Variants in GRIN1 observed in about 807,000 individuals in gnomAD.
GRIN1 encodes glutamate receptor ionotropic, NMDA 1.
In GRIN1, 38 loss-of-function variants were observed where a neutral mutation model predicts 103.0. The observed-to-expected ratio is 0.37, with a 90% CI of 0.28 to 0.48. The LOEUF (loss-of-function observed/expected upper bound fraction) is 0.48. Ranked by LOEUF, GRIN1 falls within the 20% of genes least tolerant of loss-of-function variation. The pLI is 0.98. For missense variants in GRIN1, 577 were observed against 1,288.9 expected (o/e 0.45, Z 8.46); for synonymous variants, 544 against 532.7 (o/e 1.02, Z -0.29).
chr9:137,158,255 G>T (rs1296830204), intron 6 of GRIN1, 124 bp from the exon 7 acceptor site: 3 of 1,090,304 alleles, frequency 2.8e-6, no homozygotes, highest in Non-Finnish European at 4.1e-6. Flanking sequence ...TGCTCAGCCG[G>T]CAGGAGAAGG....
chr9:137,166,952 C>G (rs970912820), intron 19 of GRIN1, among the ~76,000 whole-genome samples: 4 of 152,200 alleles, frequency 2.6e-5, no homozygotes, highest in African/African-American at 9.7e-5. Context: ...TGATGGGCCA[C>G]TTTCAGAGGG....
At chr9:137,159,206 C>T (rs1238435261) in intron 8 of GRIN1, among the ~76,000 whole-genome samples, 1 of 152,170 alleles carries the variant, frequency 6.6e-6, no homozygotes, top group Admixed American at 6.5e-5. Context: ...TCCAGAACAT[C>T]TTTCCCTTGG....
At position 137,167,372 on chromosome 9, in the gene GRIN1, C is replaced by T. The variant is rs534171550; in HGVS notation, c.2701-39C>T. ...GAGGGCTGGGGTCCCTGGCGGCCGG[C>T]GGGGCCAGCGGGTATTGATTGTTGG... On this transcript the variant is annotated intron_variant, in intron 19 of 19. Transcript: ENST00000371561. The T allele has an allele frequency of 4.2e-5, 63 of 1,491,546 alleles. No individual in the cohort carries two copies. The South Asian group carries it at 6.3e-4, about 15-fold the overall frequency. The allele number at this position is 1,491,546 out of a possible 1,614,324, so 92.4% of individuals were successfully genotyped here.
At chr9:137,152,242 C>T (rs1356347183) in intron 4 of GRIN1, among the ~76,000 whole-genome samples, 2 of 152,164 alleles carry the variant, frequency 1.3e-5, no homozygotes, top group Non-Finnish European at 2.9e-5. Flanking sequence ...GAATTGTTTA[C>T]ACTTCCCTTA....
chr9:137,158,758 C>A, intron 8 of GRIN1, 54 bp downstream of exon 8: 10 of 1,299,742 alleles, frequency 7.7e-6, no homozygotes, highest in Non-Finnish European at 1.1e-5. Flanking sequence ...GCCCATCCAC[C>A]CCCTCTGGCC....
In GRIN1 at chr9:137,163,667, C is replaced by T. The variant is rs773708731; in HGVS notation, c.2442C>T (p.Ala814=). 7 of 1,612,454 alleles carry T rather than the reference C, an allele frequency of 4.3e-6. No homozygotes were observed. Among genetic ancestry groups the T allele is most frequent in the Admixed American group, 1.7e-5 (1 of 60,002 alleles). The stretch of plus-strand genomic sequence containing the variant: ...CGACCCTTACTTTTGAGAACATGGC[C>T]GGTGCGTTCTCCTTCATCCATTCTC... ...APATLTFENM[A]GVFMLVAGGI... Residue 814 remains alanine, a splice_region_variant and synonymous_variant, in exon 17 of 20, where the codon GCC becomes GCT. Transcript: ENST00000371561.
chr9:137,168,591 C>T lies in GRIN1; in HGVS notation c.*1064C>T, dbSNP rs1051432554. 1.3e-5 allele frequency: 4 copies of T among 315,154 alleles called. No individual in the cohort carries two copies. The Admixed American group carries it at 1.5e-4, about 12-fold the overall frequency. 19.5% of individuals were successfully genotyped at this position (315,154 alleles called of 1,614,324 possible). A position where few individuals can be genotyped will look rare whatever the true frequency, so the allele number is the denominator to read the frequency against. On this transcript the variant is annotated 3_prime_UTR_variant, in exon 20 of 20. Coordinates refer to ENST00000371561, the MANE Select transcript of GRIN1 (RefSeq NM_007327.4). ...CCTCGCTCCGGGTGCGTGACCGGCC[C>T]GCCACCTTGTACAGAACCAGCACTC...
At chr9:137,144,399 A>T (rs868012410) in intron 2 of GRIN1, among the ~76,000 whole-genome samples, 3 of 150,232 alleles carry the variant, frequency 2.0e-5, no homozygotes, top group Admixed American at 1.3e-4. Context: ...TCACGCCTGT[A>T]ATCCCAGCAC....
chr9:137,151,356 C>T (rs1832900214), intron 4 of GRIN1, among the ~76,000 whole-genome samples: 2 of 150,340 alleles, frequency 1.3e-5, no homozygotes, highest in Admixed American at 6.6e-5. Context: ...AAAGCCCCGC[C>T]CAGAAAAAAA....
intron 8 of GRIN1, 97 bp from the exon 9 acceptor site, chr9:137,160,959 A>T: frequency 6.7e-7 from 1 of 1,492,154 alleles, no homozygotes; most frequent in Non-Finnish European, 9.2e-7. Context: ...GTCGGGGATT[A>T]AGAGGGGCGC....
In GRIN1 at chr9:137,163,908, G is replaced by C. The variant is rs1833705561; in HGVS notation, c.2589+4G>C. 6.2e-7 allele frequency: 1 copy of C among 1,612,334 alleles called. No individual in the cohort carries two copies. The highest frequency in any genetic ancestry group is 2.2e-5 in the East Asian group (1 of 44,860). On this transcript the variant is annotated splice_donor_region_variant and intron_variant, in intron 18 of 19. Coordinates refer to ENST00000371561, the MANE Select transcript of GRIN1 (RefSeq NM_007327.4). ...CGTGTGGCGGAAGAACCTGCAGGTAGGGCAGGCCACCCTCCGAGGCCTGGT... is the reference window on the plus strand; with the variant it reads ...CGTGTGGCGGAAGAACCTGCAGGTACGGCAGGCCACCCTCCGAGGCCTGGT...
chr9:137,164,076 G>C (rs754544049), intron 18 of GRIN1, 172 bp downstream of exon 18: 4 of 806,614 alleles, frequency 5.0e-6, no homozygotes, highest in South Asian at 4.4e-5. Flanking sequence ...CAGCACCGGT[G>C]GGGGGCTGCC....
chr9:137,142,274 C>T (rs1368027675), intron 2 of GRIN1, 127 bp downstream of exon 2: 14 of 871,566 alleles, frequency 1.6e-5, no homozygotes, highest in African/African-American at 3.3e-5. Context: ...ACAGCTCCCC[C>T]ACATTCATGC....
chr9:137,166,987 C>G (rs1208149474), intron 19 of GRIN1, among the ~76,000 whole-genome samples: 1 of 152,188 alleles, frequency 6.6e-6, no homozygotes, highest in South Asian at 2.1e-4. Flanking sequence ...AGGGCCCTGC[C>G]TGGAGCGAGG....
At chr9:137,164,619 G>A (rs932285852) in intron 18 of GRIN1, 9 of 175,508 alleles carry the variant, frequency 5.1e-5, no homozygotes, top group East Asian at 3.2e-4. Context: ...CCTCTCATCC[G>A]CCCGCTCTTG....
chr9:137,141,085 G>T (rs1456157088), intron 1 of GRIN1, among the ~76,000 whole-genome samples: 3 of 152,200 alleles, frequency 2.0e-5, no homozygotes, highest in Non-Finnish European at 4.4e-5. Context: ...CGCCCATGTT[G>T]CTGTCTGTCT....
intron 4 of GRIN1, among the ~76,000 whole-genome samples, chr9:137,149,400 C>T (rs1832716371): frequency 6.6e-6 from 1 of 152,236 alleles, no homozygotes; most frequent in South Asian, 2.1e-4. Context: ...AGACCCTGCC[C>T]TTGGGAAGCC....
At position 137,158,409 on chromosome 9, in the gene GRIN1, G is replaced by C; in HGVS notation, c.999G>C (p.Gly333=). ...TGATGTCTTCCAAGTATGCGGATGGGGTGACTGGTCGCGTGGAGTTCAATG... is the reference window on the plus strand; with the variant it reads ...TGATGTCTTCCAAGTATGCGGATGGCGTGACTGGTCGCGTGGAGTTCAATG... ...RVLMSSKYAD[G]VTGRVEFNED... Residue 333 remains glycine, a synonymous_variant, in exon 7 of 20, where the codon GGG becomes GGC. Transcript: ENST00000371561. 1 of 1,613,598 alleles carries C rather than the reference G, an allele frequency of 6.2e-7. No individual in the cohort carries two copies. Among genetic ancestry groups the C allele is most frequent in the African/African-American group, 1.3e-5 (1 of 75,044 alleles).
intron 6 of GRIN1, 85 bp downstream of exon 6, chr9:137,157,122 G>T (rs1588718569): frequency 8.5e-7 from 1 of 1,179,168 alleles, no homozygotes. Flanking sequence ...GGCCGCTCTT[G>T]GGGAGGTGGG....
Sources: gnomAD v4.1 joint callset for allele counts (sites outside exome capture counted in the v4.1 genomes callset) on GRCh38, gnomAD v4.1.1 for gene constraint, MANE v1.5 for transcripts, NCBI Gene and HGNC (gene_info 2026-07-23, HGNC 2026-07-21) for gene names.